The following PPP2R2B variants were observed in gnomAD, a reference collection of about 807,000 sequenced individuals.
PPP2R2B encodes serine/threonine-protein phosphatase 2A 55 kDa regulatory subunit B beta isoform.
Under a neutral mutation model 46.0 loss-of-function variants are expected in PPP2R2B, and 5 were observed. The observed-to-expected ratio is 0.11, with a 90% CI of 0.06 to 0.23. The LOEUF is 0.23. Among genes scored for constraint, PPP2R2B ranks in the 10% least tolerant of loss-of-function variants. The probability of loss-of-function intolerance (pLI) is 1.00; values close to 1 mark genes in which losing one functional copy is unlikely to be tolerated. For missense variants in PPP2R2B, 367 were observed against 575.0 expected (o/e 0.64, Z 3.70); for synonymous variants, 215 against 206.7 (o/e 1.04, Z -0.34).
At chr5:146,874,716 T>C (rs931376873) in intron 2 of PPP2R2B, among the ~76,000 whole-genome samples, 8 of 152,144 alleles carry the variant, frequency 5.3e-5, no homozygotes, top group Non-Finnish European at 8.8e-5. Flanking sequence ...ATAATGGAGA[T>C]AGGGTTTTAC....
At chr5:146,914,719 A>G (rs1369395140) in intron 1 of PPP2R2B, among the ~76,000 whole-genome samples, 4 of 152,214 alleles carry the variant, frequency 2.6e-5, no homozygotes, top group South Asian at 2.1e-4. Context: ...ATGTTGATGA[A>G]TAAGTATAGG....
intron 2 of PPP2R2B, among the ~76,000 whole-genome samples, chr5:146,716,126 T>G (rs1412374229): frequency 1.3e-5 from 2 of 150,184 alleles, no homozygotes; most frequent in African/African-American, 5.1e-5. Context: ...GCATAGGGAC[T>G]GGCATCTAGT....
rs61749639 is a variant in PPP2R2B, at chr5:146,691,134, G to T, written c.441C>A (p.Thr147=). 8.1e-6 allele frequency: 13 copies of T among 1,613,802 alleles called. No homozygotes were observed. Among genetic ancestry groups the T allele is most frequent in the Non-Finnish European group, 1.0e-5 (12 of 1,179,928 alleles). The part of the protein sequence containing the change: ...GRLRDPATIT[T]LRVPVLRPMD... Reference sequence around the variant, plus strand: ...GGCAGCTGTTTGCACTCACCCGCAGGGTTGTGATGGTGGCAGGATCCCGGA... The same window carrying T: ...GGCAGCTGTTTGCACTCACCCGCAGTGTTGTGATGGTGGCAGGATCCCGGA... The change falls in exon 5 of 10, where the codon ACC becomes ACA. Residue 147 remains threonine (T), a synonymous_variant. Coordinates refer to ENST00000394411, the MANE Select transcript of PPP2R2B (RefSeq NM_181675.4).
chr5:147,077,455 C>G (rs1047107018), intron 2 of PPP2R2B, among the ~76,000 whole-genome samples: 4 of 151,708 alleles, frequency 2.6e-5, no homozygotes, highest in Non-Finnish European at 5.9e-5. Flanking sequence ...ATAGAAAAAG[C>G]CATTAATAGG....
At chr5:146,728,538 C>T (rs539498231) in intron 2 of PPP2R2B, among the ~76,000 whole-genome samples, 10 of 152,244 alleles carry the variant, frequency 6.6e-5, no homozygotes, top group African/African-American at 1.2e-4. Context: ...CTCCTGTCTT[C>T]GTGTGGAGCA....
intron 1 of PPP2R2B, among the ~76,000 whole-genome samples, chr5:146,937,189 T>A (rs1764177691): frequency 6.6e-6 from 1 of 151,718 alleles, no homozygotes; most frequent in African/African-American, 2.4e-5. Flanking sequence ...TAATCCTAAC[T>A]ATTTGGGAGG....
At chr5:146,861,859 T>G (rs1039744008) in intron 2 of PPP2R2B, among the ~76,000 whole-genome samples, 1 of 71,368 alleles carries the variant, frequency 1.4e-5, no homozygotes, top group African/African-American at 7.1e-5. Context: ...CAGCATTGTT[T>G]TTTTTTTTTT....
chr5:146,598,802 T>G (rs867608956), intron 8 of PPP2R2B, among the ~76,000 whole-genome samples: 14 of 152,134 alleles, frequency 9.2e-5, no homozygotes, highest in Admixed American at 6.5e-5. Flanking sequence ...TGCCAGAATG[T>G]TATAACTATT....
At chr5:146,597,829 C>T (rs1486344999) in intron 8 of PPP2R2B, among the ~76,000 whole-genome samples, 1 of 152,200 alleles carries the variant, frequency 6.6e-6, no homozygotes, top group East Asian at 1.9e-4. Flanking sequence ...CCTACTTCAT[C>T]TATATAAGAA....
rs1220733063 is a variant in PPP2R2B, at chr5:146,590,087, T to C, written c.1192A>G (p.Lys398Glu). Residue 398 changes from lysine to glutamate, a missense_variant, in exon 10 of 10, where the codon AAG becomes GAG. Physicochemically the swap from Lys to Glu is moderately conservative, Grantham distance 56. This residue lies in a region of PPP2R2B where 361 missense variants were observed against 545.5 expected (regional missense o/e 0.66). Transcript: ENST00000394411. ...LKPRKVCVGG[K>E]RRKDEISVDS... ...ACACTGATCTCGTCTTTTCTCCGCT[T>C]GCCCCCCACACACACTTTTCGGGGT... 6.2e-7 allele frequency: 1 copy of C among 1,614,170 alleles called. No homozygotes were observed.
chr5:146,970,620 A>G (rs1218638834), intron 1 of PPP2R2B, among the ~76,000 whole-genome samples: 1 of 152,072 alleles, frequency 6.6e-6, no homozygotes, highest in East Asian at 1.9e-4. Context: ...AAGAAGAAGA[A>G]GAAGGGAAGA....
At chr5:146,703,961 C>A (rs1779688698) in intron 2 of PPP2R2B, among the ~76,000 whole-genome samples, 1 of 152,302 alleles carries the variant, frequency 6.6e-6, no homozygotes, top group Admixed American at 6.5e-5. Context: ...ATTCTACTAG[C>A]CAGCTGCTCT....
At chr5:146,887,479 AAT>A (rs1292464292) in intron 1 of PPP2R2B, among the ~76,000 whole-genome samples, 1 of 152,196 alleles carries the variant, frequency 6.6e-6, no homozygotes, top group African/African-American at 2.4e-5. Flanking sequence ...TGAAGACGAA[AAT>A]ATATACAGAC....
intron 2 of PPP2R2B, among the ~76,000 whole-genome samples, chr5:146,717,635 A>G (rs905311241): frequency 1.3e-5 from 2 of 152,236 alleles, no homozygotes; most frequent in African/African-American, 4.8e-5. Context: ...AGTAAAATGT[A>G]CTAGACACCA....
At chr5:146,689,471 G>A (rs866705680) in intron 5 of PPP2R2B, among the ~76,000 whole-genome samples, 2 of 152,164 alleles carry the variant, frequency 1.3e-5, no homozygotes, top group Non-Finnish European at 2.9e-5. Flanking sequence ...AGGCGTACAG[G>A]TTTGTAGCCG....
intron 2 of PPP2R2B, among the ~76,000 whole-genome samples, chr5:146,759,625 T>C (rs1582038091): frequency 6.6e-6 from 1 of 152,294 alleles, no homozygotes; most frequent in East Asian, 1.9e-4. Context: ...TTGAATTAGG[T>C]GCATCCCTTC....
At chr5:146,845,326 G>C (rs1386368419) in intron 2 of PPP2R2B, among the ~76,000 whole-genome samples, 3 of 6,076 alleles carry the variant, frequency 4.9e-4, no homozygotes, top group African/African-American at 1.6e-3. Flanking sequence ...TTTTTTTTGA[G>C]ATGGAGTCTC....
chr5:146,899,073 T>A (rs1319713940), intron 1 of PPP2R2B, among the ~76,000 whole-genome samples: 1 of 151,826 alleles, frequency 6.6e-6, no homozygotes, highest in Non-Finnish European at 1.5e-5. Flanking sequence ...GGGCGATTCC[T>A]CAGGGATCTA....
At chr5:146,900,818 C>G (rs1762811090) in intron 1 of PPP2R2B, among the ~76,000 whole-genome samples, 1 of 151,694 alleles carries the variant, frequency 6.6e-6, no homozygotes, top group Admixed American at 6.6e-5. Context: ...GGACACCCCC[C>G]AGTGTGTTAT....
Sources: gnomAD v4.1 joint callset for allele counts (sites outside exome capture counted in the v4.1 genomes callset) on GRCh38, gnomAD v4.1.1 for gene constraint, gnomAD v4.1.1 regional missense constraint, MANE v1.5 for transcripts, NCBI Gene and HGNC (gene_info 2026-07-23, HGNC 2026-07-21) for gene names.